CDH23: variants seen among roughly 807,000 people sequenced by gnomAD.
CDH23 encodes cadherin related 23.
A neutral mutation model predicts 317.1 loss-of-function variants in CDH23; 189 were observed. The ratio of observed to expected loss-of-function variants is 0.60; its 90% CI spans 0.53 to 0.67. The LOEUF (loss-of-function observed/expected upper bound fraction) is 0.67. Among genes scored for constraint, CDH23 ranks in the 30% least tolerant of loss-of-function variants. The pLI, the probability that CDH23 is intolerant of heterozygous loss-of-function variation, is 0.00. For missense variants in CDH23, 4,401 were observed against 4,592.4 expected (o/e 0.96, Z 1.20); for synonymous variants, 1,839 against 1,876.8 (o/e 0.98, Z 0.52).
intron 3 of CDH23, among the ~76,000 whole-genome samples, chr10:71,463,083 T>G (rs1851086096): frequency 6.6e-6 from 1 of 152,266 alleles, no homozygotes. Flanking sequence ...ACAACCTAGA[T>G]TACCTACTTG....
chr10:71,637,594 AG>A (rs1862336764), intron 11 of CDH23, among the ~76,000 whole-genome samples: 1 of 152,084 alleles, frequency 6.6e-6, no homozygotes, highest in Non-Finnish European at 1.5e-5. Context: ...TCAACTCCAG[AG>A]GTTGTGGCTT....
Position 71,427,195 on chromosome 10 carries a change from G to A in CDH23, c.-5-12632G>A, listed in dbSNP as rs867419618. On this transcript the variant is annotated intron_variant, in intron 1 of 69. Transcript: ENST00000224721. ...AGAAAGAAGGAAGGAAGGAAGGAAA[G>A]AGAAAGAAAGAAAGAAAGAAAGAAA... Among the ~76,000 whole-genome samples the A allele has an allele frequency of 5.1e-5, 5 of 98,934 alleles. No homozygotes were observed. In the Admixed American group the frequency reaches 5.9e-4, roughly 12 times the overall value. The allele number at this position is 98,934 out of a possible 152,430, so 64.9% of individuals were successfully genotyped here.
rs539441446 is a variant in CDH23, at chr10:71,653,893, C to A, written c.1449+7276C>A. 1.2e-4 allele frequency among the ~76,000 whole-genome samples: 19 copies of A among 152,294 alleles called. No individual in the cohort carries two copies. The East Asian group carries it at 3.5e-3, about 28-fold the overall frequency. On this transcript the variant is annotated intron_variant, in intron 14 of 69. Transcript: ENST00000224721. ...AAGGCACTGGGTAAATGGCAGGTGT[C>A]TTATCTGGGAGTCGGTGGAACTTCA...
intron 3 of CDH23, among the ~76,000 whole-genome samples, chr10:71,456,577 A>G (rs1850708400): frequency 6.6e-6 from 1 of 152,152 alleles, no homozygotes; most frequent in Non-Finnish European, 1.5e-5. Context: ...TAATAACACT[A>G]ATGATAATGA....
chr10:71,669,680 T>C (rs1010839625), intron 14 of CDH23, among the ~76,000 whole-genome samples: 2 of 152,208 alleles, frequency 1.3e-5, no homozygotes, highest in African/African-American at 4.8e-5. Context: ...TCTCTTGATC[T>C]CAGGTGATCT....
intron 3 of CDH23, among the ~76,000 whole-genome samples, chr10:71,474,647 G>A (rs1388931556): frequency 2.0e-5 from 3 of 152,250 alleles, no homozygotes; most frequent in Non-Finnish European, 4.4e-5. Context: ...TGGGTGAGAT[G>A]AGCCAGTGCA....
At chr10:71,453,265 G>A (rs1251615203) in intron 3 of CDH23, among the ~76,000 whole-genome samples, 1 of 152,228 alleles carries the variant, frequency 6.6e-6, no homozygotes, top group African/African-American at 2.4e-5. Flanking sequence ...GCTGCCAGTC[G>A]GTGCTGATTA....
chr10:71,506,245 G>GA (rs1853629680), intron 3 of CDH23, among the ~76,000 whole-genome samples: 1 of 152,186 alleles, frequency 6.6e-6, no homozygotes, highest in Non-Finnish European at 1.5e-5. Flanking sequence ...GATTCATGGG[G>GA]AGTGACTGGT....
In CDH23 at chr10:71,791,343, G is replaced by A. The variant is rs745784976; in HGVS notation, c.6253+8G>A. The A allele has an allele frequency of 1.2e-6, 2 of 1,612,194 alleles. No individual in the cohort carries two copies. The highest frequency in any genetic ancestry group is 2.2e-5 in the South Asian group (2 of 90,636). ...TAGAGAACTGCCCGCCTGGTAAGCA[G>A]GGGACAGGCCCCAGCACCCCACAAC... On this transcript the variant is annotated splice_region_variant and intron_variant, in intron 47 of 69. Coordinates refer to ENST00000224721, the MANE Select transcript of CDH23 (RefSeq NM_022124.6).
At chr10:71,806,314 C>T (rs1408323487) in intron 57 of CDH23, 33 bp downstream of exon 57, 1 of 1,446,770 alleles carries the variant, frequency 6.9e-7, no homozygotes. Context: ...CTGGTCACAC[C>T]CACACAGGGA....
chr10:71,690,960 A>T (rs749840076), intron 20 of CDH23, among the ~76,000 whole-genome samples: 2 of 152,080 alleles, frequency 1.3e-5, no homozygotes, highest in Admixed American at 1.3e-4. Context: ...TCTTACACGG[A>T]TGTGTGCCTC....
chr10:71,468,962 T>C (rs1438695255), intron 3 of CDH23, among the ~76,000 whole-genome samples: 1 of 152,068 alleles, frequency 6.6e-6, no homozygotes, highest in Admixed American at 6.5e-5. Flanking sequence ...CCAGGCTCCT[T>C]CTCTGTGGGC....
intron 11 of CDH23, among the ~76,000 whole-genome samples, chr10:71,637,022 A>G (rs10465973): frequency 0.78 from 118,380 of 152,040 alleles, 46,368 homozygotes; most frequent in South Asian, 0.88. Flanking sequence ...ACCCCCCTTA[A>G]TGTAGGGGTT....
At chr10:71,429,279 G>A (rs1849255983) in intron 1 of CDH23, among the ~76,000 whole-genome samples, 1 of 152,196 alleles carries the variant, frequency 6.6e-6, no homozygotes, top group Non-Finnish European at 1.5e-5. Context: ...TTGACTCTAG[G>A]CTGTGCATGG....
intron 14 of CDH23, among the ~76,000 whole-genome samples, chr10:71,651,616 A>C (rs1863178561): frequency 6.6e-6 from 1 of 151,488 alleles, no homozygotes. Flanking sequence ...GCTGGAGTAC[A>C]GTGAGGACGT....
chr10:71,468,654 T>C (rs1410438468), intron 3 of CDH23, among the ~76,000 whole-genome samples: 1 of 152,218 alleles, frequency 6.6e-6, no homozygotes, highest in East Asian at 1.9e-4. Flanking sequence ...CCCTGATCTG[T>C]CACTGGAAAT....
chr10:71,684,769 C>T (rs1864805780), intron 18 of CDH23, among the ~76,000 whole-genome samples: 1 of 152,256 alleles, frequency 6.6e-6, no homozygotes, highest in East Asian at 1.9e-4. Flanking sequence ...AGAGAGGGAG[C>T]CATTCAGGCT....
chr10:71,633,952 T>C (rs1266452175), intron 11 of CDH23, among the ~76,000 whole-genome samples: 1 of 152,242 alleles, frequency 6.6e-6, no homozygotes, highest in Non-Finnish European at 1.5e-5. Flanking sequence ...AGCGGTGTGA[T>C]TAGCAGCTGT....
intron 18 of CDH23, among the ~76,000 whole-genome samples, chr10:71,683,945 G>C (rs146259182): frequency 6.6e-6 from 1 of 152,004 alleles, no homozygotes; most frequent in Admixed American, 6.6e-5. Context: ...GCCAGGCATC[G>C]TGGCAGGTGC....
Sources: allele counts gnomAD v4.1 joint callset (sites outside exome capture counted in the v4.1 genomes callset), GRCh38; gene constraint gnomAD v4.1.1; transcripts MANE v1.5; gene names NCBI Gene and HGNC (gene_info 2026-07-23, HGNC 2026-07-21).